Variants in GRIP1 observed in about 807,000 individuals in gnomAD.
GRIP1 encodes glutamate receptor interacting protein 1.
A neutral mutation model predicts 129.9 loss-of-function variants in GRIP1; 45 were observed. The observed-to-expected ratio is 0.35, with a 90% CI of 0.27 to 0.44. The LOEUF (loss-of-function observed/expected upper bound fraction) is 0.44. Among genes scored for constraint, GRIP1 ranks in the 20% least tolerant of loss-of-function variants. The pLI is 1.00. For synonymous variants in GRIP1, 530 were observed against 520.8 expected (o/e 1.02, Z -0.24); for missense variants, 1,196 against 1,396.8 (o/e 0.86, Z 2.29).
chr12:66,537,719 C>A (rs1367131340), intron 4 of GRIP1, among the ~76,000 whole-genome samples: 1 of 152,130 alleles, frequency 6.6e-6, no homozygotes, highest in African/African-American at 2.4e-5. Flanking sequence ...AGGTGGCAAA[C>A]AGAACATGGG....
At chr12:66,575,558 C>T (rs185555922) in intron 2 of GRIP1, among the ~76,000 whole-genome samples, 1 of 152,150 alleles carries the variant, frequency 6.6e-6, no homozygotes, top group South Asian at 2.1e-4. Context: ...AAGAAGAGTT[C>T]TTGCCACCAT....
intron 1 of GRIP1, among the ~76,000 whole-genome samples, chr12:67,062,879 G>A (rs2043558558): frequency 6.6e-6 from 1 of 152,114 alleles, no homozygotes; most frequent in Admixed American, 6.6e-5. Context: ...CAAAACATTA[G>A]ACTTTTTAAA....
In GRIP1 at chr12:66,442,401, T is replaced by A. The variant is rs115349547; in HGVS notation, c.1687+2183A>T. ...CAAGGCTTACCCGTCTCAGCTTTCATATCCCTGCCCAAATGTCACTCCTTA... is the reference window on the plus strand; with the variant it reads ...CAAGGCTTACCCGTCTCAGCTTTCAAATCCCTGCCCAAATGTCACTCCTTA... On this transcript the variant is annotated intron_variant, in intron 13 of 24. Coordinates refer to ENST00000359742, the MANE Select transcript of GRIP1 (RefSeq NM_001366722.1). Among the ~76,000 whole-genome samples the A allele has an allele frequency of 5.6e-3, 848 of 152,334 alleles. 8 individuals are homozygous for A. The highest frequency in any genetic ancestry group is 0.019 in the African/African-American group (807 of 41,582).
At chr12:66,569,363 G>A (rs2139483436) in intron 2 of GRIP1, among the ~76,000 whole-genome samples, 1 of 152,294 alleles carries the variant, frequency 6.6e-6, no homozygotes, top group East Asian at 1.9e-4. Context: ...TGCAATCCCA[G>A]CTACTGGGGA....
chr12:66,600,353 A>G (rs990079532), intron 1 of GRIP1, among the ~76,000 whole-genome samples: 4 of 152,338 alleles, frequency 2.6e-5, no homozygotes, highest in South Asian at 2.1e-4. Context: ...CAGATATATA[A>G]ACGAACAAAA....
chr12:66,487,154 C>T (rs569418928), intron 7 of GRIP1, among the ~76,000 whole-genome samples: 6 of 152,156 alleles, frequency 3.9e-5, no homozygotes, highest in African/African-American at 1.4e-4. Flanking sequence ...TTGTACATAC[C>T]ATCATGGCCC....
At chr12:66,828,990 C>A (rs1362379347) in intron 1 of GRIP1, among the ~76,000 whole-genome samples, 4 of 152,134 alleles carry the variant, frequency 2.6e-5, no homozygotes, top group Non-Finnish European at 5.9e-5. Flanking sequence ...TCTCTTTATA[C>A]CCTAGAGGCA....
intron 1 of GRIP1, among the ~76,000 whole-genome samples, chr12:66,968,421 C>T (rs12828958): frequency 0.21 from 31,660 of 151,672 alleles, 3,971 homozygotes; most frequent in East Asian, 0.29. Context: ...CTTATTTTGC[C>T]TTCTCTTGCT....
At chr12:66,936,426 CAAAAA>C (rs35370978) in intron 1 of GRIP1, among the ~76,000 whole-genome samples, 3 of 88,108 alleles carry the variant, frequency 3.4e-5, no homozygotes, top group Non-Finnish European at 2.4e-5. Context: ...ACCCTGTCTC[CAAAAA>C]AAAAAAAAAA....
chr12:66,819,937 A>G (rs2039288477), intron 1 of GRIP1, among the ~76,000 whole-genome samples: 1 of 152,200 alleles, frequency 6.6e-6, no homozygotes, highest in South Asian at 2.1e-4. Flanking sequence ...CTGTGCTGCA[A>G]TTGATGAATT....
intron 1 of GRIP1, among the ~76,000 whole-genome samples, chr12:66,624,250 A>T (rs1210782884): frequency 1.3e-5 from 2 of 152,182 alleles, no homozygotes; most frequent in Non-Finnish European, 2.9e-5. Flanking sequence ...TCAAAGGTCT[A>T]GATTATGTTG....
chr12:66,693,807 T>A (rs1486968623), intron 1 of GRIP1, among the ~76,000 whole-genome samples: 1 of 152,184 alleles, frequency 6.6e-6, no homozygotes, highest in Non-Finnish European at 1.5e-5. Context: ...ATCCCATGAT[T>A]TTAAAAATAG....
intron 1 of GRIP1, among the ~76,000 whole-genome samples, chr12:66,691,869 T>C (rs1451357425): frequency 6.6e-6 from 1 of 152,118 alleles, no homozygotes; most frequent in Non-Finnish European, 1.5e-5. Context: ...CTAATGGAAA[T>C]GCACCAACCG....
At chr12:66,394,664 G>A (rs2056723487) in intron 16 of GRIP1, among the ~76,000 whole-genome samples, 1 of 152,180 alleles carries the variant, frequency 6.6e-6, no homozygotes, top group South Asian at 2.1e-4. Context: ...CTAGCATTTA[G>A]TAAGTATGCA....
At chr12:66,710,984 G>A (rs917192522) in intron 1 of GRIP1, among the ~76,000 whole-genome samples, 12 of 151,632 alleles carry the variant, frequency 7.9e-5, no homozygotes, top group East Asian at 1.9e-4. Context: ...TGTTTGGCTC[G>A]GATATGGTAG....
At position 66,735,537 on chromosome 12, in the gene GRIP1, T is replaced by C. The variant is rs141308768; in HGVS notation, c.-420+68516A>G. ...CTCACTTCTTACTGCCTGGAGTCAT[T>C]CTAAGACGGCTTTATGACAAAAGGG... On this transcript the variant is annotated intron_variant, in intron 1 of 4. Coordinates refer to the GRIP1 transcript ENST00000538373. Among the ~76,000 whole-genome samples the C allele has an allele frequency of 7.6e-4, 115 of 152,272 alleles. 1 individual carries two copies. Among genetic ancestry groups the C allele is most frequent in the African/African-American group, 2.6e-3 (110 of 41,550 alleles).
chr12:66,474,410 T>A (rs2059539966), intron 7 of GRIP1, among the ~76,000 whole-genome samples: 1 of 152,162 alleles, frequency 6.6e-6, no homozygotes. Context: ...CTCTTCAGGA[T>A]ATTATCCAGT....
At chr12:66,416,374 C>T (rs924055116) in intron 15 of GRIP1, among the ~76,000 whole-genome samples, 1 of 151,844 alleles carries the variant, frequency 6.6e-6, no homozygotes, top group Non-Finnish European at 1.5e-5. Flanking sequence ...GCAAACTGAA[C>T]CCAAGATTAG....
At chr12:66,591,281 T>G (rs2063838094) in intron 2 of GRIP1, among the ~76,000 whole-genome samples, 2 of 152,186 alleles carry the variant, frequency 1.3e-5, no homozygotes, top group Admixed American at 1.3e-4. Context: ...GCAATGTAAT[T>G]TAGCTACTTT....
Sources: allele counts gnomAD v4.1 joint callset (sites outside exome capture counted in the v4.1 genomes callset), GRCh38; gene constraint gnomAD v4.1.1; transcripts MANE v1.5; gene names NCBI Gene and HGNC (gene_info 2026-07-23, HGNC 2026-07-21).